DTNB: variants seen among roughly 807,000 people sequenced by gnomAD.
The protein encoded by DTNB is DTN-B.
Under a neutral mutation model 90.7 loss-of-function variants are expected in DTNB, and 63 were observed. The observed-to-expected ratio is 0.69, with a 90% confidence interval of 0.57 to 0.86. The LOEUF is 0.86. Among genes scored for constraint, DTNB ranks in the 40% least tolerant of loss-of-function variants. The pLI is 0.00. For synonymous variants in DTNB, 277 were observed against 286.7 expected (o/e 0.97, Z 0.34); for missense variants, 744 against 807.1 (o/e 0.92, Z 0.95).
Position 25,387,422 on chromosome 2 carries a change from G to A in DTNB, c.1736-44C>T, listed in dbSNP as rs376762236. 3.2e-5 allele frequency: 50 copies of A among 1,577,186 alleles called. No individual in the cohort carries two copies. The highest frequency in any genetic ancestry group is 1.7e-4 in the Middle Eastern group (1 of 5,866). On this transcript the variant is annotated intron_variant, in intron 17 of 20. Transcript: ENST00000406818. This position sits in a 1 kb window ranked among gnomAD's most constrained non-coding sequence, Gnocchi z 4.5. ...GATGGGGATGCCAGGGTGGGTGAGC[G>A]TGGAGAAGAGACGGCTGAGCAAATG...
intron 9 of DTNB, among the ~76,000 whole-genome samples, chr2:25,502,880 T>TAACAA (rs1451033163): frequency 2.4e-4 from 19 of 79,500 alleles, no homozygotes; most frequent in South Asian, 4.4e-4. Context: ...AGCAACTGTC[T>TAACAA]AAAAAAAAAA....
intron 6 of DTNB, chr2:25,595,199 G>A (rs903491225): frequency 7.2e-5 from 11 of 152,142 alleles, no homozygotes; most frequent in Non-Finnish European, 1.6e-4. Flanking sequence ...CTATCAGGAG[G>A]CAGGCGGTAT....
chr2:25,404,772 T>C (rs1327807016), intron 16 of DTNB, among the ~76,000 whole-genome samples: 2 of 152,102 alleles, frequency 1.3e-5, no homozygotes, highest in East Asian at 3.9e-4. Flanking sequence ...GGAGAATCGC[T>C]TGAACCTGGG....
At chr2:25,425,423 C>G (rs1417229317) in intron 15 of DTNB, among the ~76,000 whole-genome samples, 1 of 152,202 alleles carries the variant, frequency 6.6e-6, no homozygotes, top group Non-Finnish European at 1.5e-5. Context: ...AGCTTCATTA[C>G]TAAGAGACTG....
rs1315451861 is a variant in DTNB, at chr2:25,660,702, C to T, written c.-1-8041G>A. On this transcript the variant is annotated intron_variant, in intron 1 of 20. Transcript: ENST00000406818. ...ACCCTGTTGTTCATTTTTTTTAACG[C>T]TGTATAATTCCAAAACTGCATTTTA... is the stretch of plus-strand genomic sequence containing the variant. Among the ~76,000 whole-genome samples, 4 of 151,952 alleles carry T rather than the reference C, an allele frequency of 2.6e-5. No individual in the cohort carries two copies. In the East Asian group the frequency reaches 7.7e-4, roughly 29 times the overall value.
intron 9 of DTNB, chr2:25,497,570 T>C (rs2069236436): frequency 6.6e-6 from 1 of 152,088 alleles, no homozygotes; most frequent in Non-Finnish European, 1.5e-5. Flanking sequence ...GGTGAAAAAA[T>C]AGGACGATGG....
intron 16 of DTNB, among the ~76,000 whole-genome samples, chr2:25,400,722 G>A (rs902150016): frequency 1.3e-5 from 2 of 152,184 alleles, no homozygotes; most frequent in African/African-American, 4.8e-5. Context: ...GAATCTTGTT[G>A]TAGTACAAGC....
At chr2:25,590,794 G>C (rs1399614797) in intron 6 of DTNB, among the ~76,000 whole-genome samples, 4 of 152,188 alleles carry the variant, frequency 2.6e-5, no homozygotes, top group African/African-American at 2.4e-5. Flanking sequence ...CATGGGACTA[G>C]CAGCCCGACC....
intron 8 of DTNB, among the ~76,000 whole-genome samples, chr2:25,533,471 C>G (rs530493661): frequency 6.6e-6 from 1 of 152,196 alleles, no homozygotes; most frequent in Non-Finnish European, 1.5e-5. Context: ...TGATGTGACG[C>G]TGATTCTTCC....
chr2:25,480,931 C>T (rs756112457), intron 10 of DTNB, among the ~76,000 whole-genome samples: 7 of 152,060 alleles, frequency 4.6e-5, no homozygotes, highest in Non-Finnish European at 7.4e-5. Flanking sequence ...GCTTTGTATT[C>T]GTCCATAAAA....
intron 6 of DTNB, among the ~76,000 whole-genome samples, chr2:25,587,162 G>A (rs571224102): frequency 1.3e-5 from 2 of 152,300 alleles, no homozygotes; most frequent in Admixed American, 6.5e-5. Context: ...GAGCCACAAC[G>A]TCATGCTAAG....
intron 14 of DTNB, among the ~76,000 whole-genome samples, 176 bp downstream of exon 14, chr2:25,432,705 GTGATC>G (rs2054319870): frequency 6.6e-6 from 1 of 152,218 alleles, no homozygotes; most frequent in Non-Finnish European, 1.5e-5. Context: ...CATTCTTAGA[GTGATC>G]TCTAATGGAA....
At chr2:25,402,347 G>A (rs771895997) in intron 16 of DTNB, among the ~76,000 whole-genome samples, 41 of 152,218 alleles carry the variant, frequency 2.7e-4, no homozygotes, top group Non-Finnish European at 5.0e-4. Context: ...CCCAATGGCC[G>A]TGAGCAAGGA....
intron 3 of DTNB, among the ~76,000 whole-genome samples, chr2:25,630,627 T>C (rs1014863780): frequency 6.6e-6 from 1 of 151,958 alleles, no homozygotes; most frequent in African/African-American, 2.4e-5. Context: ...GGTGGATCAC[T>C]TGAGGTTGGG....
At chr2:25,415,781 G>A (rs934297776) in intron 16 of DTNB, among the ~76,000 whole-genome samples, 2 of 152,118 alleles carry the variant, frequency 1.3e-5, no homozygotes, top group Non-Finnish European at 2.9e-5. Context: ...ATGCCAGGAG[G>A]TGGTATATAC....
intron 9 of DTNB, among the ~76,000 whole-genome samples, chr2:25,506,872 A>G (rs2072579064): frequency 6.6e-6 from 1 of 152,224 alleles, no homozygotes; most frequent in Non-Finnish European, 1.5e-5. Context: ...CAACTCTACC[A>G]AAGAATCATT....
chr2:25,423,206 A>C (rs2050371746), intron 15 of DTNB, among the ~76,000 whole-genome samples: 2 of 143,310 alleles, frequency 1.4e-5, no homozygotes, highest in African/African-American at 4.9e-5. Flanking sequence ...CAGACAAAAA[A>C]ACAAAAAAAC....
intron 12 of DTNB, among the ~76,000 whole-genome samples, chr2:25,444,654 C>A (rs185434861): frequency 1.5e-4 from 23 of 152,122 alleles, no homozygotes; most frequent in Non-Finnish European, 1.5e-5. Context: ...TCTGCAGCCC[C>A]GCTCCCCATC....
At chr2:25,540,541 T>C (rs376840593) in intron 8 of DTNB, among the ~76,000 whole-genome samples, 1 of 152,094 alleles carries the variant, frequency 6.6e-6, no homozygotes, top group African/African-American at 2.4e-5. Flanking sequence ...CAACGCTCAA[T>C]CATTTAAAAA....
Sources: gnomAD v4.1 joint callset for allele counts (sites outside exome capture counted in the v4.1 genomes callset) on GRCh38, gnomAD v4.1.1 for gene constraint, Gnocchi (gnomAD v3.1) non-coding constraint, MANE v1.5 for transcripts, NCBI Gene and HGNC (gene_info 2026-07-23, HGNC 2026-07-21) for gene names.